MEI4: variants seen among roughly 807,000 people sequenced by gnomAD.
The protein encoded by MEI4 is meiotic double-stranded break formation protein 4, also known as meiosis-specific protein MEI4.
In MEI4, 27 loss-of-function variants were observed where a neutral mutation model predicts 31.4. That is an observed-to-expected ratio of 0.86 (90% CI 0.63 to 1.19). The LOEUF is 1.19. MEI4 is among the 50% of genes most tolerant of loss of function. The pLI is 0.00. For synonymous variants in MEI4, 122 were observed against 145.4 expected, an observed-to-expected ratio of 0.84 and a Z score of 1.16; for missense variants, 329 against 398.9, an observed-to-expected ratio of 0.82 and a Z score of 1.49.
rs564627565 is a variant in MEI4 at position 77,664,592 on chromosome 6, C to T, written c.-15+11500C>T. Among the ~76,000 whole-genome samples the T allele has an allele frequency of 3.3e-5, 5 of 151,878 alleles. No homozygotes were observed. The East Asian group carries it at 9.7e-4, about 30-fold the overall frequency. ...GCTGAGGAAGAATTGGGACCTAGCT[C>T]GGCCTGGTGAGGAGGGGAGAGGTCA... On this transcript the variant is annotated intron_variant, in intron 1 of 4. Coordinates refer to ENST00000684080, the MANE Select transcript of MEI4 (RefSeq NM_001322247.2).
At chr6:77,661,324 G>A (rs1471780530) in intron 1 of MEI4, among the ~76,000 whole-genome samples, 7 of 151,884 alleles carry the variant, frequency 4.6e-5, no homozygotes, top group African/African-American at 1.7e-4. Context: ...AGGCCGGTCC[G>A]TTATCAGACT....
intron 3 of MEI4, among the ~76,000 whole-genome samples, chr6:77,805,159 A>G (rs1454878919): frequency 6.6e-6 from 1 of 152,132 alleles, no homozygotes; most frequent in Non-Finnish European, 1.5e-5. Context: ...AAGGTAAATA[A>G]TATGTAAAAA....
chr6:77,814,821 A>G (rs1382852971), intron 3 of MEI4, among the ~76,000 whole-genome samples: 1 of 151,902 alleles, frequency 6.6e-6, no homozygotes, highest in African/African-American at 2.4e-5. Context: ...TCTTAAAGTC[A>G]TCTTTGGAGA....
intron 4 of MEI4, among the ~76,000 whole-genome samples, chr6:77,909,778 T>C (rs1292423270): frequency 1.3e-5 from 2 of 152,024 alleles, no homozygotes; most frequent in African/African-American, 2.4e-5. Context: ...TAGACCAATA[T>C]CCCTGATGAA....
At chr6:77,677,716 C>T (rs1768870789) in intron 1 of MEI4, among the ~76,000 whole-genome samples, 1 of 152,060 alleles carries the variant, frequency 6.6e-6, no homozygotes, top group Non-Finnish European at 1.5e-5. Flanking sequence ...GGGCCGTGAG[C>T]CTATATATCT....
chr6:77,716,865 G>A, intron 2 of MEI4: 1 of 983,998 alleles, frequency 1.0e-6, no homozygotes, highest in Non-Finnish European at 1.2e-6. Context: ...TGTCAAGCAA[G>A]GTAGAAAATG....
At chr6:77,752,630 C>T (rs1582103837) in intron 2 of MEI4, among the ~76,000 whole-genome samples, 1 of 152,130 alleles carries the variant, frequency 6.6e-6, no homozygotes, top group African/African-American at 2.4e-5. Context: ...AATAGAAAAA[C>T]TTTCCATGCT....
intron 2 of MEI4, among the ~76,000 whole-genome samples, chr6:77,702,909 C>G (rs1356817660): frequency 6.6e-6 from 1 of 152,134 alleles, no homozygotes; most frequent in Non-Finnish European, 1.5e-5. Context: ...TGGCTGTGTA[C>G]TATTCTTTCT....
intron 3 of MEI4, among the ~76,000 whole-genome samples, chr6:77,763,372 G>C (rs1409697586): frequency 6.6e-6 from 1 of 152,078 alleles, no homozygotes; most frequent in East Asian, 1.9e-4. Context: ...ACAGCACCAG[G>C]ACTTGTGCAG....
At chr6:77,861,936 A>G (rs1770875942) in intron 4 of MEI4, among the ~76,000 whole-genome samples, 3 of 152,158 alleles carry the variant, frequency 2.0e-5, no homozygotes, top group Non-Finnish European at 2.9e-5. Flanking sequence ...TGTTATTATT[A>G]TCATGCATAC....
At chr6:77,787,089 G>C (rs939309455) in intron 3 of MEI4, among the ~76,000 whole-genome samples, 1 of 152,094 alleles carries the variant, frequency 6.6e-6, no homozygotes, top group Non-Finnish European at 1.5e-5. Flanking sequence ...TGCTTACCCA[G>C]GGACTTGGAG....
In MEI4 at chr6:77,847,275, A is replaced by G. The variant is rs1019328775; in HGVS notation, c.900+18213A>G. Among the ~76,000 whole-genome samples the G allele has an allele frequency of 2.6e-5, 4 of 152,206 alleles. No individual in the cohort carries two copies. Among genetic ancestry groups the G allele is most frequent in the South Asian group, 2.1e-4 (1 of 4,834 alleles). ...TCAAAATAATTCTGTGTCTTAGATTATAATTAATTCAAGAGAAATGTTGAG... is the reference window on the plus strand; with the variant it reads ...TCAAAATAATTCTGTGTCTTAGATTGTAATTAATTCAAGAGAAATGTTGAG... On this transcript the variant is annotated intron_variant, in intron 4 of 4. Coordinates refer to ENST00000684080, the MANE Select transcript of MEI4 (RefSeq NM_001322247.2). This position sits in a 1 kb window ranked among gnomAD's most constrained non-coding sequence, Gnocchi z 4.6.
intron 2 of MEI4, among the ~76,000 whole-genome samples, chr6:77,729,709 T>G (rs1054509576): frequency 6.6e-6 from 1 of 152,162 alleles, no homozygotes; most frequent in African/African-American, 2.4e-5. Flanking sequence ...AGAACAGATA[T>G]GAGAATCCCC....
At chr6:77,829,906 C>T (rs965321843) in intron 4 of MEI4, among the ~76,000 whole-genome samples, 1 of 152,086 alleles carries the variant, frequency 6.6e-6, no homozygotes, top group Middle Eastern at 3.4e-3. Flanking sequence ...ATTATGCAAT[C>T]TAATTGAATT....
At chr6:77,905,122 T>C (rs925921836) in intron 4 of MEI4, among the ~76,000 whole-genome samples, 1 of 152,112 alleles carries the variant, frequency 6.6e-6, no homozygotes, top group Non-Finnish European at 1.5e-5. Flanking sequence ...GAAGTCTTTA[T>C]CTCTTATTCA....
chr6:77,696,344 GT>G (rs1766043055), intron 2 of MEI4, among the ~76,000 whole-genome samples: 1 of 152,152 alleles, frequency 6.6e-6, no homozygotes, highest in African/African-American at 2.4e-5. Flanking sequence ...TCTTGTGCCA[GT>G]TTTCAAAGGG....
rs771293381 is a variant in MEI4, at chr6:77,926,409, G to A, written c.*3063G>A. 10 of 151,912 alleles carry A rather than the reference G, an allele frequency of 6.6e-5. No homozygotes were observed. The highest frequency in any genetic ancestry group is 1.2e-4 in the Non-Finnish European group (8 of 67,922). The allele number at this position is 151,912 out of a possible 1,614,324, so 9.4% of individuals were successfully genotyped here. On this transcript the variant is annotated 3_prime_UTR_variant, in exon 5 of 5. Coordinates refer to ENST00000684080, the MANE Select transcript of MEI4 (RefSeq NM_001322247.2). ...AAAAGGTACAGAGCTCCCTCCAGAGGTGTTTAGGTAGACTGTGAGGCTGTA... is the reference window on the plus strand; with the variant it reads ...AAAAGGTACAGAGCTCCCTCCAGAGATGTTTAGGTAGACTGTGAGGCTGTA...
At chr6:77,872,399 C>G (rs776700777) in intron 4 of MEI4, among the ~76,000 whole-genome samples, 30 of 152,046 alleles carry the variant, frequency 2.0e-4, no homozygotes, top group South Asian at 1.0e-3. Context: ...GTGCCATGAT[C>G]ATGCCTGTGT....
chr6:77,759,102 A>C (rs1767983915), intron 2 of MEI4, among the ~76,000 whole-genome samples: 1 of 152,172 alleles, frequency 6.6e-6, no homozygotes, highest in Non-Finnish European at 1.5e-5. Flanking sequence ...TAAATTAGCA[A>C]TTCCAACAGA....
Sources: gnomAD v4.1 joint callset for allele counts (sites outside exome capture counted in the v4.1 genomes callset) on GRCh38, gnomAD v4.1.1 for gene constraint, Gnocchi (gnomAD v3.1) non-coding constraint, MANE v1.5 for transcripts, NCBI Gene and HGNC (gene_info 2026-07-23, HGNC 2026-07-21) for gene names.